NRXN1: variants seen among roughly 807,000 people sequenced by gnomAD.
The protein encoded by NRXN1 is neurexin-1.
NRXN1 carries 39 observed loss-of-function variants against 150.9 expected under a neutral mutation model. That is an observed-to-expected ratio of 0.26 (90% CI 0.20 to 0.34). The LOEUF is 0.34. NRXN1 is among the 10% of genes least tolerant of loss of function. The pLI is 1.00. For synonymous variants in NRXN1, 924 were observed against 757.0 expected, an observed-to-expected ratio of 1.22 and a Z score of -3.62; for missense variants, 1,815 against 1,949.9, an observed-to-expected ratio of 0.93 and a Z score of 1.30.
intron 5 of NRXN1, among the ~76,000 whole-genome samples, chr2:50,751,447 C>T (rs1700585054): frequency 6.6e-6 from 1 of 151,942 alleles, no homozygotes; most frequent in Non-Finnish European, 1.5e-5. Context: ...CAAGTGATGG[C>T]AGCACAATCA....
At chr2:50,723,652 T>C (rs1696955109) in intron 5 of NRXN1, among the ~76,000 whole-genome samples, 1 of 152,190 alleles carries the variant, frequency 6.6e-6, no homozygotes, top group South Asian at 2.1e-4. Context: ...GGTGAGTGTC[T>C]TCCAGCAGCT....
intron 19 of NRXN1, among the ~76,000 whole-genome samples, chr2:50,062,242 C>T (rs547521974): frequency 6.6e-6 from 1 of 152,044 alleles, no homozygotes; most frequent in African/African-American, 2.4e-5. Flanking sequence ...GGAGGTAAAG[C>T]CTTTGGGAGC....
At chr2:50,001,261 C>A (rs142651799) in intron 21 of NRXN1, among the ~76,000 whole-genome samples, 2,455 of 152,154 alleles carry the variant, frequency 0.016, 194 homozygotes, top group Admixed American at 0.12. Context: ...AATAAAATAA[C>A]ATTTATGGAT....
rs1267935264 is a variant in NRXN1 at position 50,437,365 on chromosome 2, C to A, written c.3364+28077G>T. On this transcript the variant is annotated intron_variant, in intron 17 of 22. Transcript: ENST00000401669. ...CCAATAACCTTATAGGAGCCTTTCC[C>A]CCATGTTCTCAATCAGGGAAGGATC... 2.6e-5 allele frequency among the ~76,000 whole-genome samples: 4 copies of A among 152,138 alleles called. No individual in the cohort carries two copies. The East Asian group carries it at 5.8e-4, about 22-fold the overall frequency.
At chr2:50,179,611 C>T (rs2060572967) in intron 18 of NRXN1, among the ~76,000 whole-genome samples, 1 of 152,118 alleles carries the variant, frequency 6.6e-6, no homozygotes, top group Non-Finnish European at 1.5e-5. Context: ...TTTGTGAATT[C>T]AGTAAAGCTT....
At chr2:50,050,686 C>A (rs543540664) in intron 21 of NRXN1, among the ~76,000 whole-genome samples, 11 of 152,040 alleles carry the variant, frequency 7.2e-5, no homozygotes, top group African/African-American at 2.7e-4. Context: ...TTAAATATTA[C>A]TGTATTTAGA....
At chr2:50,844,107 G>A (rs1673272412) in intron 5 of NRXN1, among the ~76,000 whole-genome samples, 2 of 152,252 alleles carry the variant, frequency 1.3e-5, no homozygotes, top group Middle Eastern at 3.4e-3. Flanking sequence ...GAAGAACAGC[G>A]AAAGTGAGAC....
chr2:50,698,036 C>T (rs1693185099), intron 5 of NRXN1, among the ~76,000 whole-genome samples: 2 of 152,226 alleles, frequency 1.3e-5, no homozygotes, highest in African/African-American at 4.8e-5. Flanking sequence ...TAATTTTCTT[C>T]ATAACACCTA....
At chr2:50,388,191 A>T (rs1268617904) in intron 17 of NRXN1, among the ~76,000 whole-genome samples, 1 of 152,204 alleles carries the variant, frequency 6.6e-6, no homozygotes, top group Non-Finnish European at 1.5e-5. Flanking sequence ...ATTCTGAATT[A>T]TGCCATTCAT....
chr2:50,945,518 CTATATA>C (rs56782252), intron 2 of NRXN1, among the ~76,000 whole-genome samples: 1 of 147,558 alleles, frequency 6.8e-6, no homozygotes, highest in Admixed American at 6.8e-5. Flanking sequence ...CTCTCTCTTA[CTATATA>C]TATATATATA....
chr2:49,937,054 G>A (rs1385872091), intron 22 of NRXN1, among the ~76,000 whole-genome samples: 1 of 152,164 alleles, frequency 6.6e-6, no homozygotes, highest in Admixed American at 6.5e-5. Context: ...TAAATATGGA[G>A]GACTTGGGAG....
intron 17 of NRXN1, among the ~76,000 whole-genome samples, chr2:50,374,761 A>T (rs184287781): frequency 3.3e-5 from 5 of 152,324 alleles, no homozygotes; most frequent in Admixed American, 3.3e-4. Context: ...AATCCTACAC[A>T]ATATTTTAAA....
At chr2:50,432,278 T>A (rs962219173) in intron 17 of NRXN1, 1 of 152,180 alleles carries the variant, frequency 6.6e-6, no homozygotes, top group Non-Finnish European at 1.5e-5. Flanking sequence ...CTTACCTGGA[T>A]TAGGACCTGT....
At chr2:50,843,067 AT>A (rs1673109543) in intron 5 of NRXN1, among the ~76,000 whole-genome samples, 1 of 152,170 alleles carries the variant, frequency 6.6e-6, no homozygotes, top group African/African-American at 2.4e-5. Flanking sequence ...CTAAAGAAAA[AT>A]AAACAGATCT....
chr2:50,792,027 G>C (rs1706118477), intron 5 of NRXN1, among the ~76,000 whole-genome samples: 1 of 152,052 alleles, frequency 6.6e-6, no homozygotes, highest in Non-Finnish European at 1.5e-5. Context: ...AAGCAATATG[G>C]ACAGAAGAAA....
At chr2:50,914,144 G>T (rs1684897966) in intron 5 of NRXN1, among the ~76,000 whole-genome samples, 1 of 151,654 alleles carries the variant, frequency 6.6e-6, no homozygotes, top group Admixed American at 6.6e-5. Flanking sequence ...CAGGTTCTAT[G>T]GCTTAGGACA....
chr2:50,553,827 A>G (rs1667855639), intron 8 of NRXN1, among the ~76,000 whole-genome samples: 1 of 152,198 alleles, frequency 6.6e-6, no homozygotes, highest in Admixed American at 6.5e-5. Flanking sequence ...GTGCTTACTG[A>G]TGGTCCTAAG....
At chr2:50,324,440 T>C (rs1227558840) in intron 17 of NRXN1, among the ~76,000 whole-genome samples, 1 of 152,376 alleles carries the variant, frequency 6.6e-6, no homozygotes, top group East Asian at 1.9e-4. Flanking sequence ...AGCACTCACT[T>C]GCAGGAACTT....
chr2:50,521,933 G>C (rs1291790673), intron 12 of NRXN1, among the ~76,000 whole-genome samples: 1 of 152,040 alleles, frequency 6.6e-6, no homozygotes, highest in East Asian at 1.9e-4. Context: ...TGTCCAACGG[G>C]ACAAGGATAA....
Sources: gnomAD v4.1 joint callset for allele counts (sites outside exome capture counted in the v4.1 genomes callset) on GRCh38, gnomAD v4.1.1 for gene constraint, MANE v1.5 for transcripts, NCBI Gene and HGNC (gene_info 2026-07-23, HGNC 2026-07-21) for gene names.